The following PRDM5 variants were observed in gnomAD, a reference collection of about 807,000 sequenced individuals.
The protein encoded by PRDM5 is PR domain zinc finger protein 5.
PRDM5 carries 56 observed loss-of-function variants against 81.2 expected under a neutral mutation model. The ratio of observed to expected loss-of-function variants is 0.69; its 90% confidence interval spans 0.56 to 0.86. The LOEUF (loss-of-function observed/expected upper bound fraction) is 0.86. Ranked by LOEUF, PRDM5 falls within the 40% of genes least tolerant of loss-of-function variation. The pLI, the probability that PRDM5 is intolerant of heterozygous loss-of-function variation, is 0.00. For missense variants in PRDM5, 697 were observed against 770.1 expected (o/e 0.91, Z 1.12); for synonymous variants, 267 against 256.4 (o/e 1.04, Z -0.39).
At chr4:120,740,969 G>A (rs1377012579) in intron 14 of PRDM5, among the ~76,000 whole-genome samples, 1 of 152,172 alleles carries the variant, frequency 6.6e-6, no homozygotes, top group African/African-American at 2.4e-5. Flanking sequence ...CTGTAGGTGT[G>A]CACTTTGCTT....
intron 3 of PRDM5, among the ~76,000 whole-genome samples, chr4:120,839,842 A>C (rs1295458466): frequency 6.6e-6 from 1 of 151,682 alleles, no homozygotes; most frequent in Non-Finnish European, 1.5e-5. Flanking sequence ...ACCCCCCCAC[A>C]CTCATTGGTG....
intron 14 of PRDM5, among the ~76,000 whole-genome samples, chr4:120,719,274 G>A (rs1021932369): frequency 7.9e-5 from 12 of 152,208 alleles, no homozygotes; most frequent in African/African-American, 2.2e-4. Context: ...TATAGACAGT[G>A]CTTCTCAAAC....
chr4:120,790,324 T>G (rs1240860839), intron 10 of PRDM5, among the ~76,000 whole-genome samples: 1 of 152,214 alleles, frequency 6.6e-6, no homozygotes, highest in African/African-American at 2.4e-5. Context: ...ACCATGTGGC[T>G]TCACAGAAAT....
intron 3 of PRDM5, among the ~76,000 whole-genome samples, chr4:120,849,866 A>G (rs948722613): frequency 2.6e-5 from 4 of 152,168 alleles, no homozygotes; most frequent in Non-Finnish European, 5.9e-5. Flanking sequence ...ATTTTAAGCC[A>G]CAACTTTCAC....
intron 3 of PRDM5, among the ~76,000 whole-genome samples, chr4:120,827,525 TAC>T (rs1328408874): frequency 6.6e-6 from 1 of 152,080 alleles, no homozygotes; most frequent in Non-Finnish European, 1.5e-5. Context: ...GTCATATAAA[TAC>T]AGTGATATTC....
intron 2 of PRDM5, among the ~76,000 whole-genome samples, chr4:120,870,365 C>G (rs539517308): frequency 1.3e-5 from 2 of 152,312 alleles, no homozygotes; most frequent in Admixed American, 1.3e-4. Context: ...ACAAAAGACT[C>G]TGCCCCATTT....
chr4:120,781,076 G>A, intron 12 of PRDM5, 67 bp downstream of exon 12: 1 of 1,310,370 alleles, frequency 7.6e-7, no homozygotes, highest in Non-Finnish European at 1.1e-6. Flanking sequence ...TCACATGTTA[G>A]TTAACATATA....
intron 13 of PRDM5, among the ~76,000 whole-genome samples, chr4:120,755,184 T>C (rs1246932280): frequency 6.6e-6 from 1 of 152,212 alleles, no homozygotes; most frequent in Non-Finnish European, 1.5e-5. Flanking sequence ...TACTTTCTGA[T>C]ATAATCAAAT....
chr4:120,877,836 T>C (rs1762471511), intron 2 of PRDM5, among the ~76,000 whole-genome samples: 1 of 152,096 alleles, frequency 6.6e-6, no homozygotes, highest in Admixed American at 6.6e-5. Context: ...CAAACAAACT[T>C]ATCTTTCAGC....
At chr4:120,860,382 T>A (rs1760425747) in intron 2 of PRDM5, among the ~76,000 whole-genome samples, 1 of 149,912 alleles carries the variant, frequency 6.7e-6, no homozygotes, top group Non-Finnish European at 1.5e-5. Flanking sequence ...ACTTTTTAAA[T>A]TGGGCTAATT....
At chr4:120,779,974 C>T (rs1444117823) in intron 12 of PRDM5, among the ~76,000 whole-genome samples, 1 of 151,692 alleles carries the variant, frequency 6.6e-6, no homozygotes, top group Non-Finnish European at 1.5e-5. Flanking sequence ...ACTATATCTA[C>T]TATGTACCCA....
chr4:120,824,253 T>C (rs1270496963), intron 3 of PRDM5, among the ~76,000 whole-genome samples: 2 of 152,226 alleles, frequency 1.3e-5, no homozygotes, highest in East Asian at 3.9e-4. Flanking sequence ...AGCAATAACC[T>C]TGTGGTTCAG....
chr4:120,845,514 T>C (rs1588524), intron 3 of PRDM5, among the ~76,000 whole-genome samples: 6,898 of 152,338 alleles, frequency 0.045, 312 homozygotes, highest in Middle Eastern at 0.15. Context: ...ATCTGTTTAC[T>C]GCATAGTCTA....
At chr4:120,906,454 C>T (rs1463071493) in intron 2 of PRDM5, among the ~76,000 whole-genome samples, 7 of 152,184 alleles carry the variant, frequency 4.6e-5, no homozygotes, top group African/African-American at 1.2e-4. Flanking sequence ...CACTTGATGA[C>T]GCATTTCTTA....
At chr4:120,870,212 C>T (rs1223902985) in intron 2 of PRDM5, among the ~76,000 whole-genome samples, 1 of 151,988 alleles carries the variant, frequency 6.6e-6, no homozygotes, top group Non-Finnish European at 1.5e-5. Flanking sequence ...CAGGCACATC[C>T]CAACCACATT....
At position 120,695,146 on chromosome 4, in the gene PRDM5, G is replaced by A. The variant is rs1294048147; in HGVS notation, c.1858C>T (p.His620Tyr). The A allele has an allele frequency of 6.2e-7, 1 of 1,613,298 alleles. No homozygotes were observed. Among genetic ancestry groups the A allele is most frequent in the Non-Finnish European group, 8.5e-7 (1 of 1,179,392 alleles). Residue 620 changes from histidine to tyrosine, a missense_variant, in exon 16 of 16, where the codon CAC becomes TAC. Around this residue, in one of 3 missense-constraint regions of PRDM5, gnomAD observed 34 missense variants for 28.1 expected, o/e 1.21. Transcript: ENST00000264808. ...KFTRNDYLKV[H>Y]MDNIHGVADS Reference sequence around the variant, plus strand: ...GCTACACCATGGATATTGTCCATGTGCACTTTGAGGTAGTCATTCCTTGTA... The same window carrying A: ...GCTACACCATGGATATTGTCCATGTACACTTTGAGGTAGTCATTCCTTGTA...
At chr4:120,815,879 A>G (rs1264112954) in intron 7 of PRDM5, among the ~76,000 whole-genome samples, 1 of 152,242 alleles carries the variant, frequency 6.6e-6, no homozygotes, top group Non-Finnish European at 1.5e-5. Flanking sequence ...ACAGTATACC[A>G]TGTGCTAAGC....
At chr4:120,791,535 A>G (rs1340440843) in intron 10 of PRDM5, among the ~76,000 whole-genome samples, 1 of 152,194 alleles carries the variant, frequency 6.6e-6, no homozygotes, top group Non-Finnish European at 1.5e-5. Context: ...GGTGCCTTCT[A>G]TGGTAGAATA....
At chr4:120,744,244 C>T (rs1177220930) in intron 14 of PRDM5, among the ~76,000 whole-genome samples, 2 of 151,970 alleles carry the variant, frequency 1.3e-5, no homozygotes, top group African/African-American at 2.4e-5. Context: ...AGAACAAAGA[C>T]ACAACTTACC....
Sources: allele counts gnomAD v4.1 joint callset (sites outside exome capture counted in the v4.1 genomes callset), GRCh38; gene constraint gnomAD v4.1.1; regional missense constraint gnomAD v4.1.1; transcripts MANE v1.5; gene names NCBI Gene and HGNC (gene_info 2026-07-23, HGNC 2026-07-21).